The following PVT1 variants were observed in gnomAD, a reference collection of about 807,000 sequenced individuals.
PVT1 encodes Pvt1 oncogene.
chr8:127,934,723 G>A (rs967386186), intron 3 of PVT1, among the ~76,000 whole-genome samples: 6 of 152,146 alleles, frequency 3.9e-5, no homozygotes, highest in Non-Finnish European at 8.8e-5. Flanking sequence ...CTTGGGGTAA[G>A]GGTCTACCTC....
At chr8:127,797,350 CT>C (rs1341286257) in intron 2 of PVT1, among the ~76,000 whole-genome samples, 5 of 152,208 alleles carry the variant, frequency 3.3e-5, no homozygotes, top group Non-Finnish European at 7.4e-5. Context: ...TTATTGTTTC[CT>C]GATGCAGGTT....
intron 3 of PVT1, among the ~76,000 whole-genome samples, chr8:127,959,872 G>T (rs1004267872): frequency 1.3e-5 from 2 of 152,136 alleles, no homozygotes; most frequent in Non-Finnish European, 2.9e-5. Context: ...CAGGTGAGGC[G>T]CCTGCAGAAT....
At chr8:128,065,193 ATTTTTTATT>A in intron 4 of PVT1, among the ~76,000 whole-genome samples, 1 of 93,582 alleles carries the variant, frequency 1.1e-5, no homozygotes, top group South Asian at 4.0e-4. Context: ...CTTCTTTTTT[ATTTTTTATT>A]TTTTTTTGAG....
chr8:127,939,729 G>C (rs947786145), intron 3 of PVT1: 5 of 152,182 alleles, frequency 3.3e-5, no homozygotes, highest in Non-Finnish European at 7.3e-5. Context: ...AGAGATGATT[G>C]AAACAGGCCT....
intron 4 of PVT1, among the ~76,000 whole-genome samples, chr8:127,991,437 T>A (rs1426135453): frequency 2.0e-5 from 3 of 152,114 alleles, no homozygotes; most frequent in Admixed American, 6.5e-5. Context: ...AGTCACTGAA[T>A]TATGTCTTGG....
chr8:128,044,222 C>CTT (rs11453170), intron 4 of PVT1, among the ~76,000 whole-genome samples: 26 of 149,162 alleles, frequency 1.7e-4, no homozygotes, highest in East Asian at 3.9e-4. Flanking sequence ...TCCATCTCCC[C>CTT]TTTTTTTTTC....
chr8:127,931,320 T>G (rs1410269591), intron 3 of PVT1, among the ~76,000 whole-genome samples: 1 of 152,172 alleles, frequency 6.6e-6, no homozygotes, highest in Non-Finnish European at 1.5e-5. Context: ...CCCTCATCTC[T>G]TTTGCCCAGC....
At chr8:128,096,403 C>T (rs941352094) in intron 5 of PVT1, 8 of 152,226 alleles carry the variant, frequency 5.3e-5, no homozygotes, top group East Asian at 3.8e-4. Flanking sequence ...AATGCTCTGA[C>T]GTCCTCATTT....
intron 3 of PVT1, among the ~76,000 whole-genome samples, chr8:127,978,943 T>C (rs1816854225): frequency 6.6e-6 from 1 of 152,238 alleles, no homozygotes; most frequent in African/African-American, 2.4e-5. Flanking sequence ...GGTCTCACTA[T>C]GTTGCCCAGG....
chr8:127,989,723 C>G (rs554270544), intron 4 of PVT1, among the ~76,000 whole-genome samples: 1 of 152,264 alleles, frequency 6.6e-6, no homozygotes, highest in African/African-American at 2.4e-5. Context: ...CGTGCTTCCT[C>G]CTTTCACCTC....
intron 5 of PVT1, among the ~76,000 whole-genome samples, chr8:128,072,692 C>T (rs1036513706): frequency 2.0e-5 from 3 of 152,072 alleles, no homozygotes; most frequent in South Asian, 4.1e-4. Flanking sequence ...AGGCAGGCAC[C>T]GCTGGTGTTT....
intron 3 of PVT1, among the ~76,000 whole-genome samples, chr8:127,929,916 T>A (rs1291384430): frequency 6.6e-6 from 1 of 152,226 alleles, no homozygotes; most frequent in Non-Finnish European, 1.5e-5. Context: ...GAGCGTTAGA[T>A]GTTAGTTACG....
intron 4 of PVT1, among the ~76,000 whole-genome samples, chr8:128,047,462 C>G (rs1437946083): frequency 6.6e-6 from 1 of 152,134 alleles, no homozygotes; most frequent in Non-Finnish European, 1.5e-5. Context: ...AACTAAAACC[C>G]TTTTACTAGA....
At chr8:127,984,837 TTTTCTTTCTTTCTTTCTTTCTTTC>T (rs71300287) in intron 3 of PVT1, among the ~76,000 whole-genome samples, 3,255 of 81,106 alleles carry the variant, frequency 0.04, 133 homozygotes, top group Non-Finnish European at 0.055. Flanking sequence ...CTTTCTTTTC[TTTTCTTTCTTTCTTTCTTTCTTTC>T]TTTCTTTCTT....
chr8:127,822,141 AGAATAGTGTCTG>A lies in PVT1; in HGVS notation n.372+26072_372+26083del, dbSNP rs528361793. ...ATGAATTAGTGCATATAAAGTGCCT[AGAATAGTGTCTG>A]GCCCGTTTTAAGAGCTCAGTGAGTC... On this transcript the variant is annotated intron_variant and non_coding_transcript_variant, in intron 2 of 10. Coordinates refer to ENST00000651587, the Ensembl canonical transcript of PVT1. Among the ~76,000 whole-genome samples the A allele has an allele frequency of 3.5e-4, 54 of 152,364 alleles. No individual in the cohort carries two copies. The South Asian group carries it at 0.011, about 31-fold the overall frequency.
At chr8:127,963,860 C>T (rs745951031) in intron 3 of PVT1, among the ~76,000 whole-genome samples, 2 of 152,178 alleles carry the variant, frequency 1.3e-5, no homozygotes, top group Non-Finnish European at 2.9e-5. Flanking sequence ...GTTCCCTCCA[C>T]TTCTCTGATT....
intron 4 of PVT1, among the ~76,000 whole-genome samples, chr8:127,995,469 T>C (rs1817093994): frequency 6.6e-6 from 1 of 152,242 alleles, no homozygotes; most frequent in African/African-American, 2.4e-5. Flanking sequence ...CCCCACATTA[T>C]AGGAATCTAT....
intron 5 of PVT1, among the ~76,000 whole-genome samples, chr8:128,088,620 G>A (rs904368108): frequency 6.6e-6 from 1 of 152,226 alleles, no homozygotes; most frequent in Non-Finnish European, 1.5e-5. Flanking sequence ...TCCTTTGAAA[G>A]TGGTTGAGGT....
intron 2 of PVT1, among the ~76,000 whole-genome samples, chr8:127,858,805 CTTTTT>C (rs35886687): frequency 7.0e-4 from 33 of 47,318 alleles, no homozygotes; most frequent in African/African-American, 2.1e-3. Context: ...CTTGAAGATT[CTTTTT>C]TTTTTTTTTT....
Sources: allele counts gnomAD v4.1 joint callset (sites outside exome capture counted in the v4.1 genomes callset), GRCh38; gene constraint gnomAD v4.1.1; transcripts MANE v1.5; gene names NCBI Gene and HGNC (gene_info 2026-07-23, HGNC 2026-07-21).